LIN52: variants seen among roughly 807,000 people sequenced by gnomAD.
The protein encoded by LIN52 is protein lin-52 homolog.
LIN52 carries 4 observed loss-of-function variants against 18.5 expected under a neutral mutation model. The ratio of observed to expected loss-of-function variants is 0.22; its 90% CI spans 0.11 to 0.49. The LOEUF is 0.49. LIN52 is among the 20% of genes least tolerant of loss of function. The pLI, the probability that LIN52 is intolerant of heterozygous loss-of-function variation, is 0.97. For missense variants in LIN52, 102 were observed against 139.5 expected, an observed-to-expected ratio of 0.73 and a Z score of 1.35; for synonymous variants, 34 against 45.5, an observed-to-expected ratio of 0.75 and a Z score of 1.02.
intron 5 of LIN52, among the ~76,000 whole-genome samples, chr14:74,190,472 A>G (rs1027575868): frequency 7.0e-6 from 1 of 142,378 alleles, no homozygotes; most frequent in Non-Finnish European, 1.5e-5. Flanking sequence ...GCTCACTGCA[A>G]CCTCCGCCTC....
At chr14:74,155,045 T>A (rs927815676) in intron 5 of LIN52, among the ~76,000 whole-genome samples, 1 of 152,218 alleles carries the variant, frequency 6.6e-6, no homozygotes, top group Non-Finnish European at 1.5e-5. Flanking sequence ...AAATAAGTAC[T>A]AATCCAAGGA....
At chr14:74,092,222 T>C (rs1046508131) in intron 2 of LIN52, among the ~76,000 whole-genome samples, 1 of 151,242 alleles carries the variant, frequency 6.6e-6, no homozygotes, top group Non-Finnish European at 1.5e-5. Flanking sequence ...TCCACCTGCC[T>C]CAGCGTCCCA....
chr14:74,090,409 C>T (rs1291552430), intron 1 of LIN52, among the ~76,000 whole-genome samples: 1 of 151,970 alleles, frequency 6.6e-6, no homozygotes, highest in East Asian at 1.9e-4. Context: ...AATCTTGGCT[C>T]ACTGTAACCT....
chr14:74,198,816 T>G, intron 5 of LIN52, 106 bp from the exon 6 acceptor site: 1 of 844,958 alleles, frequency 1.2e-6, no homozygotes, highest in Admixed American at 2.0e-5. Context: ...TGATAGCAAC[T>G]TGATATATAA....
intron 5 of LIN52, among the ~76,000 whole-genome samples, chr14:74,116,188 A>T (rs1371408634): frequency 1.3e-5 from 2 of 152,120 alleles, no homozygotes; most frequent in East Asian, 3.9e-4. Flanking sequence ...CTGTGGTCTC[A>T]GCTACTGGGG....
chr14:74,093,852 A>G (rs1050700150), intron 2 of LIN52, among the ~76,000 whole-genome samples: 5 of 152,196 alleles, frequency 3.3e-5, no homozygotes, highest in African/African-American at 1.2e-4. Context: ...CTGTAATCCC[A>G]GCTACTTGGG....
At chr14:74,136,834 C>G (rs2061100555) in intron 5 of LIN52, among the ~76,000 whole-genome samples, 1 of 152,010 alleles carries the variant, frequency 6.6e-6, no homozygotes, top group Non-Finnish European at 1.5e-5. Context: ...GAATGGAATC[C>G]AGTAGTAGCC....
chr14:74,166,626 T>A (rs1379036986), intron 5 of LIN52, among the ~76,000 whole-genome samples: 1 of 152,230 alleles, frequency 6.6e-6, no homozygotes, highest in African/African-American at 2.4e-5. Flanking sequence ...GAAGCAACTA[T>A]ATTTCTGTCT....
chr14:74,127,974 A>T (rs1168314866), intron 5 of LIN52, among the ~76,000 whole-genome samples: 1 of 152,204 alleles, frequency 6.6e-6, no homozygotes, highest in Non-Finnish European at 1.5e-5. Flanking sequence ...AGTCAGTGGC[A>T]TGCAAAGAAC....
At chr14:74,164,967 G>T (rs575592337) in intron 5 of LIN52, among the ~76,000 whole-genome samples, 1 of 152,068 alleles carries the variant, frequency 6.6e-6, no homozygotes, top group Non-Finnish European at 1.5e-5. Flanking sequence ...TTGATAAATC[G>T]CATGATTTAC....
rs74061720 is a variant in LIN52 at position 74,197,163 on chromosome 14, T to C, written c.284-1759T>C. On this transcript the variant is annotated intron_variant, in intron 5 of 5. Transcript: ENST00000555028. ...CTGAGGGCCACTAACTAGTCATATTTGTTAATGGAAAGGAAGGAAACTAAC... is the reference window on the plus strand; with the variant it reads ...CTGAGGGCCACTAACTAGTCATATTCGTTAATGGAAAGGAAGGAAACTAAC... Among the ~76,000 whole-genome samples the C allele has an allele frequency of 1.9e-3, 293 of 152,328 alleles. 1 individual carries two copies. The highest frequency in any genetic ancestry group is 6.8e-3 in the African/African-American group (284 of 41,580).
intron 5 of LIN52, among the ~76,000 whole-genome samples, chr14:74,104,631 G>T (rs2060885577): frequency 6.6e-6 from 1 of 151,244 alleles, no homozygotes; most frequent in Admixed American, 6.6e-5. Flanking sequence ...TTCACAGTTG[G>T]TGTTGGGTAC....
chr14:74,142,771 A>C (rs973418562), intron 5 of LIN52, among the ~76,000 whole-genome samples: 2 of 147,816 alleles, frequency 1.4e-5, no homozygotes, highest in African/African-American at 5.0e-5. Context: ...AAAACAAAAA[A>C]CGGAAGAATC....
At chr14:74,159,348 T>C (rs78014460) in intron 5 of LIN52, among the ~76,000 whole-genome samples, 2,828 of 152,334 alleles carry the variant, frequency 0.019, 57 homozygotes, top group African/African-American at 0.05. Flanking sequence ...AGCTTTCTGG[T>C]GATCTTAGCA....
intron 5 of LIN52, among the ~76,000 whole-genome samples, chr14:74,158,271 C>T (rs1313313371): frequency 9.9e-5 from 15 of 151,552 alleles, no homozygotes; most frequent in Non-Finnish European, 8.8e-5. Flanking sequence ...GCGTCACATG[C>T]CCGGCTAATT....
chr14:74,162,145 A>T (rs1262346660), intron 5 of LIN52, among the ~76,000 whole-genome samples: 1 of 152,176 alleles, frequency 6.6e-6, no homozygotes, highest in East Asian at 1.9e-4. Context: ...TTTTAACAAA[A>T]TTTTCAAAAA....
At chr14:74,158,117 A>ATTTT (rs200413319) in intron 5 of LIN52, among the ~76,000 whole-genome samples, 4 of 62,670 alleles carry the variant, frequency 6.4e-5, no homozygotes, top group Admixed American at 2.0e-4. Context: ...ATATATATAT[A>ATTTT]TATATATATT....
chr14:74,185,309 CTTTT>C (rs71115969), intron 5 of LIN52, among the ~76,000 whole-genome samples: 6 of 78,786 alleles, frequency 7.6e-5, no homozygotes, highest in Admixed American at 2.0e-4. Context: ...ATAATGATTT[CTTTT>C]TTTTTTTTTT....
At chr14:74,154,908 C>T (rs1306964178) in intron 5 of LIN52, among the ~76,000 whole-genome samples, 3 of 152,194 alleles carry the variant, frequency 2.0e-5, no homozygotes, top group African/African-American at 4.8e-5. Flanking sequence ...CTCAATTCTA[C>T]TCCATTAAGG....
Sources: gnomAD v4.1 joint callset for allele counts (sites outside exome capture counted in the v4.1 genomes callset) on GRCh38, gnomAD v4.1.1 for gene constraint, MANE v1.5 for transcripts, NCBI Gene and HGNC (gene_info 2026-07-23, HGNC 2026-07-21) for gene names.